Variants in FCMR observed in about 807,000 individuals in gnomAD.
The protein encoded by FCMR is Fc mu receptor, also known as immunoglobulin mu Fc receptor.
Under a neutral mutation model 41.6 loss-of-function variants are expected in FCMR, and 34 were observed. The observed-to-expected ratio is 0.82, with a 90% CI of 0.62 to 1.09. The LOEUF is 1.09. Among genes scored for constraint, FCMR ranks in the 50% least tolerant of loss-of-function variants. FCMR has a pLI of 0.00. For synonymous variants in FCMR, 209 were observed against 211.8 expected (o/e 0.99, Z 0.12); for missense variants, 496 against 512.5 (o/e 0.97, Z 0.31).
rs1291769416 is a variant in FCMR, at chr1:206,909,852, G to A, written c.858C>T (p.Ala286=). The A allele has an allele frequency of 2.2e-6, 3 of 1,383,268 alleles. No individual in the cohort carries two copies. Among genetic ancestry groups the A allele is most frequent in the Non-Finnish European group, 2.8e-6 (3 of 1,070,404 alleles). The allele number at this position is 1,383,268 out of a possible 1,614,324, so 85.7% of individuals were successfully genotyped here. A position where few individuals can be genotyped will look rare whatever the true frequency, so the allele number is the denominator to read the frequency against. ...VERRKALSRR[A]RRLAVRMRAL... is the part of the protein sequence containing the mutation. Reference sequence around the variant, plus strand: ...CGCGCATCCTCACGGCCAGTCGGCGGGCCCGCCTGGAGAGGGCTTCCCCAC... The same window carrying A: ...CGCGCATCCTCACGGCCAGTCGGCGAGCCCGCCTGGAGAGGGCTTCCCCAC... Residue 286 remains alanine, a synonymous_variant, in exon 6 of 8, where the codon GCC becomes GCT. Transcript: ENST00000367091. The surrounding 1 kb of genome is among the most constrained non-coding windows in gnomAD (Gnocchi z 5.0).
chr1:206,904,386 G>T lies in FCMR; in HGVS notation c.*633C>A, dbSNP rs1009154091. Reference sequence around the variant, plus strand: ...GGAGACAGAGTAAAGAGAATTTATGGATATATATGCATATCTTGCTAATAA... The same window carrying T: ...GGAGACAGAGTAAAGAGAATTTATGTATATATATGCATATCTTGCTAATAA... On this transcript the variant is annotated 3_prime_UTR_variant, in exon 8 of 8. Coordinates refer to ENST00000367091, the MANE Select transcript of FCMR (RefSeq NM_005449.5). 4.6e-5 allele frequency: 7 copies of T among 152,154 alleles called. No homozygotes were observed. The highest frequency in any genetic ancestry group is 3.3e-4 in the Admixed American group (5 of 15,256). 9.4% of individuals were successfully genotyped at this position (152,154 alleles called of 1,614,324 possible).
In FCMR at chr1:206,909,423, C is replaced by T; in HGVS notation, c.1044+39G>A. 2 of 1,202,132 alleles carry T rather than the reference C, an allele frequency of 1.7e-6. No homozygotes were observed. The highest frequency in any genetic ancestry group is 2.1e-6 in the Non-Finnish European group (2 of 959,030). 74.5% of individuals were successfully genotyped at this position (1,202,132 alleles called of 1,614,324 possible). ...CCGCCCAGGGCTGGGGCCGCCCAGT[C>T]GGGCCGCGGCTGCCAATCAGGGCAG... On this transcript the variant is annotated intron_variant, in intron 7 of 7. Coordinates refer to ENST00000367091, the MANE Select transcript of FCMR (RefSeq NM_005449.5). The surrounding 1 kb of genome is among the most constrained non-coding windows in gnomAD (Gnocchi z 5.0).
Position 206,904,497 on chromosome 1 carries a change from G to C in FCMR, c.*522C>G. Reference sequence around the variant, plus strand: ...CGTTCACTAGCAAGTGCTAACATTTGGATCAGGGCAAAGGCGTTTCCAGGA... The same window carrying C: ...CGTTCACTAGCAAGTGCTAACATTTCGATCAGGGCAAAGGCGTTTCCAGGA... On this transcript the variant is annotated 3_prime_UTR_variant, in exon 8 of 8. Transcript: ENST00000367091. The C allele has an allele frequency of 6.4e-6, 1 of 155,806 alleles. No individual in the cohort carries two copies. The highest frequency in any genetic ancestry group is 6.2e-5 in the Admixed American group (1 of 16,242). 9.7% of individuals were successfully genotyped at this position (155,806 alleles called of 1,614,324 possible). A position where few individuals can be genotyped will look rare whatever the true frequency, so the allele number is the denominator to read the frequency against.
At chr1:206,907,537 C>T in intron 7 of FCMR, 1 of 500,808 alleles carries the variant, frequency 2.0e-6, no homozygotes, top group Non-Finnish European at 3.8e-6. Flanking sequence ...CGTGTGGGCC[C>T]TGTCTTTTGG....
intron 4 of FCMR, among the ~76,000 whole-genome samples, chr1:206,911,043 ATAAGAAAATGCTGGTTG>A (rs1429817265): frequency 3.8e-4 from 58 of 152,316 alleles, no homozygotes; most frequent in African/African-American, 1.3e-3. Flanking sequence ...ATAGTAGAGA[ATAAGAAAATGCTGGTTG>A]ACCTTGATGT....
In FCMR at chr1:206,912,738, G is replaced by A. The variant is rs1033482844; in HGVS notation, c.487+191C>T. ...GCTAGGACCAGGGGACCTGACTGTC[G>A]GACAGGCTTGAAGGATATGGACCGC... On this transcript the variant is annotated intron_variant, in intron 3 of 7. Transcript: ENST00000367091. Among the ~76,000 whole-genome samples, 5 of 152,162 alleles carry A rather than the reference G, an allele frequency of 3.3e-5. No individual in the cohort carries two copies. The South Asian group carries it at 8.3e-4, about 25-fold the overall frequency.
chr1:206,917,859 C>T (rs1159075460), intron 1 of FCMR: 1 of 453,206 alleles, frequency 2.2e-6, no homozygotes, highest in Non-Finnish European at 4.4e-6. Flanking sequence ...CTCAAATGAT[C>T]CACCCACCTC....
At chr1:206,906,356 G>T in intron 7 of FCMR, 1 of 207,986 alleles carries the variant, frequency 4.8e-6, no homozygotes, top group East Asian at 1.2e-4. Flanking sequence ...AGATGAGGCT[G>T]AGGATGGGGA....
intron 7 of FCMR, among the ~76,000 whole-genome samples, chr1:206,905,407 A>G (rs1283824474): frequency 1.3e-5 from 2 of 152,184 alleles, no homozygotes; most frequent in Non-Finnish European, 2.9e-5. Context: ...GTGGCTAAGC[A>G]TGGGCCTGAA....
In FCMR at chr1:206,909,052, AG is replaced by A. The variant is rs1434775671; in HGVS notation, c.1044+409del. On this transcript the variant is annotated intron_variant, in intron 7 of 7. Coordinates refer to ENST00000367091, the MANE Select transcript of FCMR (RefSeq NM_005449.5). The surrounding 1 kb of genome is among the most constrained non-coding windows in gnomAD (Gnocchi z 5.0). ...CTCCTCTCATCTTCGAGAGTTTACT[AG>A]AAAGTTCTCGCGCACAGGAAGGTGA... 6.6e-5 allele frequency among the ~76,000 whole-genome samples: 10 copies of A among 152,174 alleles called. No individual in the cohort carries two copies. Among genetic ancestry groups the A allele is most frequent in the Admixed American group, 5.2e-4 (8 of 15,290 alleles).
At chr1:206,907,103 T>TGGGGGGGGGGGGGGGGGGGGGGGGGGG (rs75679471) in intron 7 of FCMR, among the ~76,000 whole-genome samples, 1 of 43,358 alleles carries the variant, frequency 2.3e-5, no homozygotes. Flanking sequence ...GGTGGGGGGG[T>TGGGGGGGGGGGGGGGGGGGGGGGGGGG]GGGGGGGGGG....
intron 1 of FCMR, chr1:206,917,778 C>A (rs1679253623): frequency 2.2e-6 from 1 of 453,102 alleles, no homozygotes; most frequent in South Asian, 1.6e-5. Context: ...AGGCGCCTGC[C>A]ACCATGTGTG....
Position 206,913,718 on chromosome 1 carries a change from T to A in FCMR, c.373+41A>T, listed in dbSNP as rs291082. The A allele has an allele frequency of 2.9e-3, 4,421 of 1,525,334 alleles. 120 individuals carry two copies. In the African/African-American group the frequency reaches 0.054, roughly 19 times the overall value. The allele number at this position is 1,525,334 out of a possible 1,614,324, so 94.5% of individuals were successfully genotyped here. ...GTTCCAATCTTCCCAAGTGAAACAT[T>A]TTCTGGGTAGTCTGAGCCTCCAATC... is the stretch of plus-strand genomic sequence containing the variant. On this transcript the variant is annotated intron_variant, in intron 2 of 7. Transcript: ENST00000367091.
At chr1:206,918,520 GA>G (rs1679289068) in intron 1 of FCMR, among the ~76,000 whole-genome samples, 9 of 152,094 alleles carry the variant, frequency 5.9e-5, no homozygotes, top group Admixed American at 5.9e-4. Context: ...CCAAACTTAG[GA>G]CAGCTGAGAA....
At chr1:206,906,139 G>A in intron 7 of FCMR, 1 of 513,846 alleles carries the variant, frequency 1.9e-6, no homozygotes, top group Non-Finnish European at 4.0e-6. Context: ...TATAAGACCA[G>A]TCAAGAAAGA....
rs760177968 is a variant in FCMR, at chr1:206,912,960, T to C, written c.456A>G (p.Ala152=). ...TTACGAATTTGGAAGAACTGGCATA[T>C]GCAGGCATCTGGAACAAATAGGGCA... is the stretch of plus-strand genomic sequence containing the variant. The part of the protein sequence containing the change: ...FHLPYLFQMP[A]YASSSKFVTR... The change falls in exon 3 of 8, where the codon GCA becomes GCG. Residue 152 remains alanine (A), a synonymous_variant. Coordinates refer to ENST00000367091, the MANE Select transcript of FCMR (RefSeq NM_005449.5). 1 of 1,613,650 alleles carries C rather than the reference T, an allele frequency of 6.2e-7. No individual in the cohort carries two copies. Among genetic ancestry groups the C allele is most frequent in the South Asian group, 1.1e-5 (1 of 91,072 alleles).
Position 206,909,503 on chromosome 1 carries a change from C to T in FCMR, c.1003G>A (p.Val335Ile), listed in dbSNP as rs377292566. The change falls in exon 7 of 8, where the codon GTT becomes ATT. Residue 335 changes from valine (V) to isoleucine (I), a missense_variant. Transcript: ENST00000367091. The surrounding 1 kb of genome is among the most constrained non-coding windows in gnomAD (Gnocchi z 5.0). ...ADAAGTGEAP[V>I]PGPGAPLPPA... ...GGCAACGGCGCTCCGGGGCCGGGAACGGGGGCCTCCCCTGTGCCTAGGGAA... is the reference window on the plus strand; with the variant it reads ...GGCAACGGCGCTCCGGGGCCGGGAATGGGGGCCTCCCCTGTGCCTAGGGAA... The T allele has an allele frequency of 4.7e-6, 6 of 1,286,394 alleles. No individual in the cohort carries two copies. In the African/African-American group the frequency reaches 7.7e-5, roughly 17 times the overall value. The allele number at this position is 1,286,394 out of a possible 1,614,324, so 79.7% of individuals were successfully genotyped here. A position where few individuals can be genotyped will look rare whatever the true frequency, so the allele number is the denominator to read the frequency against.
upstream of FCMR, among the ~76,000 whole-genome samples, chr1:206,922,791 A>G (rs968363794): frequency 1.3e-5 from 2 of 152,254 alleles, no homozygotes; most frequent in African/African-American, 4.8e-5. Context: ...AGAGATGCTG[A>G]GGCCACAGGG....
Position 206,909,806 on chromosome 1 carries a change from G to T in FCMR, c.904C>A (p.Pro302Thr), listed in dbSNP as rs1678842065. 3 of 1,426,332 alleles carry T rather than the reference G, an allele frequency of 2.1e-6. No individual in the cohort carries two copies. Among genetic ancestry groups the T allele is most frequent in the South Asian group, 1.5e-5 (1 of 65,928 alleles). The allele number at this position is 1,426,332 out of a possible 1,614,324, so 88.4% of individuals were successfully genotyped here. Reference sequence around the variant, plus strand: ...GAGCGCGGTCGCGGCGACCCGCGGGGCCTCTGGGAGCTCTCCAGGGCGCGC... The same window carrying T: ...GAGCGCGGTCGCGGCGACCCGCGGGTCCTCTGGGAGCTCTCCAGGGCGCGC... Reference protein sequence around the residue: ...RMRALESSQRPRGSPRPRSQN... With the variant: ...RMRALESSQRTRGSPRPRSQN... Residue 302 changes from proline (P) to threonine (T), a missense_variant, in exon 6 of 8, where the codon CCC (proline) becomes ACC (threonine). By Grantham distance (38) the Pro-to-Thr change is conservative (BLOSUM62 -1). Transcript: ENST00000367091. This position sits in a 1 kb window ranked among gnomAD's most constrained non-coding sequence, Gnocchi z 5.0.
Sources: gnomAD v4.1 joint callset for allele counts (sites outside exome capture counted in the v4.1 genomes callset) on GRCh38, gnomAD v4.1.1 for gene constraint, Gnocchi (gnomAD v3.1) non-coding constraint, MANE v1.5 for transcripts, NCBI Gene and HGNC (gene_info 2026-07-23, HGNC 2026-07-21) for gene names.